CDC42SE2: variants seen among roughly 807,000 people sequenced by gnomAD.
CDC42SE2 encodes the protein CDC42 small effector protein 2.
Under a neutral mutation model 11.5 loss-of-function variants are expected in CDC42SE2, and 3 were observed. The observed-to-expected ratio is 0.26, with a 90% CI of 0.12 to 0.67. The LOEUF (loss-of-function observed/expected upper bound fraction) is 0.67. Among genes scored for constraint, CDC42SE2 ranks in the 30% least tolerant of loss-of-function variants. The probability of loss-of-function intolerance (pLI) is 0.80; values close to 1 mark genes in which losing one functional copy is unlikely to be tolerated. For missense variants in CDC42SE2, 82 were observed against 106.8 expected (o/e 0.77, Z 1.02); for synonymous variants, 33 against 34.8 (o/e 0.95, Z 0.18).
At chr5:131,254,142 G>A (rs1457678787) in intron 1 of CDC42SE2, among the ~76,000 whole-genome samples, 3 of 152,084 alleles carry the variant, frequency 2.0e-5, no homozygotes, top group South Asian at 2.1e-4. Flanking sequence ...CCATCAACTC[G>A]TCATTTACAT....
chr5:131,222,198 A>C, the CDC42SE2 span, among the ~76,000 whole-genome samples: 1 of 152,344 alleles, frequency 6.6e-6, no homozygotes, highest in Non-Finnish European at 1.5e-5. Flanking sequence ...AATTTTACTA[A>C]TTTGGGATGG....
At chr5:131,310,926 AT>A (rs1198510171) in intron 1 of CDC42SE2, among the ~76,000 whole-genome samples, 3 of 151,642 alleles carry the variant, frequency 2.0e-5, no homozygotes, top group Admixed American at 6.6e-5. Flanking sequence ...TAATTGGAGC[AT>A]TTAGTCCATT....
the CDC42SE2 span, among the ~76,000 whole-genome samples, chr5:131,212,070 T>G: frequency 6.6e-6 from 1 of 151,978 alleles, no homozygotes; most frequent in East Asian, 1.9e-4. Context: ...ATTTAAATAA[T>G]TTAAATCACC....
At chr5:131,274,182 G>A (rs1757053914) in intron 1 of CDC42SE2, among the ~76,000 whole-genome samples, 1 of 151,900 alleles carries the variant, frequency 6.6e-6, no homozygotes, top group Admixed American at 6.6e-5. Flanking sequence ...TTTCTAATAG[G>A]CATCCCAGAT....
At chr5:131,350,250 C>G (rs1758972598) in intron 2 of CDC42SE2, among the ~76,000 whole-genome samples, 1 of 151,804 alleles carries the variant, frequency 6.6e-6, no homozygotes, top group South Asian at 2.1e-4. Flanking sequence ...AAATAGCCTT[C>G]CTACTCGCTC....
At chr5:131,243,648 C>A (rs1376242563), upstream of CDC42SE2, among the ~76,000 whole-genome samples, 1 of 152,274 alleles carries the variant, frequency 6.6e-6, no homozygotes, top group Non-Finnish European at 1.5e-5. Context: ...TTGCACAGGG[C>A]CCTACAAATT....
chr5:131,336,473 A>G (rs977688282), intron 2 of CDC42SE2, among the ~76,000 whole-genome samples: 2 of 152,066 alleles, frequency 1.3e-5, no homozygotes, highest in Non-Finnish European at 2.9e-5. Context: ...CTCGAGGAGT[A>G]TCTTTGTGGT....
intron 2 of CDC42SE2, chr5:131,354,622 C>CT (rs1245091056): frequency 5.3e-5 from 8 of 152,068 alleles, no homozygotes; most frequent in African/African-American, 7.2e-5. Context: ...CATAATTCAC[C>CT]TTTTTTCATT....
chr5:131,311,385 T>G (rs1372574798), intron 1 of CDC42SE2, among the ~76,000 whole-genome samples: 1 of 152,116 alleles, frequency 6.6e-6, no homozygotes, highest in Non-Finnish European at 1.5e-5. Flanking sequence ...ATTTTTTCCT[T>G]GATTTCAACT....
At chr5:131,219,245 A>G in the CDC42SE2 span, among the ~76,000 whole-genome samples, 7 of 152,220 alleles carry the variant, frequency 4.6e-5, no homozygotes, top group Admixed American at 3.9e-4. Context: ...AGTGACTTCA[A>G]CATATTACAT....
chr5:131,313,053 G>T (rs947545965), intron 1 of CDC42SE2, among the ~76,000 whole-genome samples: 1 of 151,668 alleles, frequency 6.6e-6, no homozygotes, highest in South Asian at 2.1e-4. Flanking sequence ...CGTGATCTTG[G>T]CTCACTGAAA....
intron 1 of CDC42SE2, among the ~76,000 whole-genome samples, chr5:131,253,987 C>T (rs1756660575): frequency 6.6e-6 from 1 of 152,190 alleles, no homozygotes; most frequent in African/African-American, 2.4e-5. Flanking sequence ...TCTGAATCAT[C>T]TCTGAAGATT....
chr5:131,341,082 A>C (rs528733350), intron 2 of CDC42SE2, among the ~76,000 whole-genome samples: 15 of 152,308 alleles, frequency 9.8e-5, no homozygotes, highest in African/African-American at 2.6e-4. Flanking sequence ...ATTAATCATC[A>C]GCATCATTGT....
intron 1 of CDC42SE2, among the ~76,000 whole-genome samples, chr5:131,298,534 A>G (rs531169283): frequency 6.6e-6 from 1 of 151,896 alleles, no homozygotes; most frequent in African/African-American, 2.4e-5. Context: ...GGTCCCTGAT[A>G]CTTAACCTCT....
intron 2 of CDC42SE2, among the ~76,000 whole-genome samples, chr5:131,350,635 GTGTA>G (rs1478163008): frequency 1.6e-4 from 22 of 136,722 alleles, no homozygotes; most frequent in African/African-American, 6.5e-4. Flanking sequence ...GTGTGTGTGT[GTGTA>G]TATATATATG....
the CDC42SE2 span, among the ~76,000 whole-genome samples, chr5:131,221,258 C>T: frequency 0.017 from 2,561 of 152,112 alleles, 75 homozygotes; most frequent in African/African-American, 0.058. Context: ...CCGCCCAACA[C>T]AAATTCATAA....
chr5:131,293,267 C>T (rs1035702286), intron 1 of CDC42SE2, among the ~76,000 whole-genome samples: 2 of 152,080 alleles, frequency 1.3e-5, no homozygotes, highest in Non-Finnish European at 2.9e-5. Context: ...GAGAAGGTAC[C>T]GTCTAAGAGA....
rs912021866 is a variant in CDC42SE2, at chr5:131,392,538, G to A, written c.*1447G>A. ...TTTGGTCTGTTTGATTGATTGATTA[G>A]AATTGCAATAAAAGAAAAGCTTGCA... On this transcript the variant is annotated 3_prime_UTR_variant, in exon 5 of 5. Coordinates refer to ENST00000505065, the MANE Select transcript of CDC42SE2 (RefSeq NM_001375635.1). 6.6e-6 allele frequency: 1 copy of A among 151,148 alleles called. No homozygotes were observed. The highest frequency in any genetic ancestry group is 1.5e-5 in the Non-Finnish European group (1 of 67,394). 9.4% of individuals were successfully genotyped at this position (151,148 alleles called of 1,614,324 possible).
At chr5:131,275,045 G>A (rs1757073233) in intron 1 of CDC42SE2, among the ~76,000 whole-genome samples, 1 of 152,130 alleles carries the variant, frequency 6.6e-6, no homozygotes, top group South Asian at 2.1e-4. Flanking sequence ...TATGAAGTAA[G>A]TTTCAAATCA....
Sources: gnomAD v4.1 joint callset for allele counts (sites outside exome capture counted in the v4.1 genomes callset) on GRCh38, gnomAD v4.1.1 for gene constraint, MANE v1.5 for transcripts, NCBI Gene and HGNC (gene_info 2026-07-23, HGNC 2026-07-21) for gene names.